Variants in LOC128031837 observed in about 807,000 individuals in gnomAD.
chr7:112,450,643 T>C, the LOC128031837 span: 1 of 1,490,468 alleles, frequency 6.7e-7, no homozygotes, highest in South Asian at 1.1e-5. Context: ...CTCCATCGGC[T>C]GATCCTCGCT....
At chr7:112,450,494 G>A in the LOC128031837 span, 1 of 622,660 alleles carries the variant, frequency 1.6e-6, no homozygotes, top group East Asian at 2.8e-5. Flanking sequence ...AACATGTATC[G>A]TTTTCGATCA....
At chr7:112,450,632 G>A in the LOC128031837 span, 2 of 1,386,004 alleles carry the variant, frequency 1.4e-6, no homozygotes, top group Non-Finnish European at 2.1e-6. Flanking sequence ...AAAAAGTGCA[G>A]CTCCATCGGC....
the LOC128031837 span, chr7:112,450,624 A>G: frequency 7.6e-7 from 1 of 1,323,394 alleles, no homozygotes; most frequent in Non-Finnish European, 1.1e-6. Flanking sequence ...GCACGAGTAA[A>G]AAGTGCAGCT....
the LOC128031837 span, chr7:112,450,594 C>G: frequency 2.0e-6 from 2 of 998,398 alleles, no homozygotes; most frequent in South Asian, 2.6e-5. Context: ...ACTCGCCTCT[C>G]AGCCGCCCGC....
the LOC128031837 span, chr7:112,450,631 A>G: frequency 1.5e-6 from 2 of 1,363,716 alleles, no homozygotes; most frequent in East Asian, 2.3e-5. Context: ...TAAAAAGTGC[A>G]GCTCCATCGG....
the LOC128031837 span, chr7:112,450,590 C>T: frequency 2.1e-6 from 2 of 947,676 alleles, no homozygotes; most frequent in Non-Finnish European, 3.4e-6. Flanking sequence ...GAAGACTCGC[C>T]TCTCAGCCGC....
At chr7:112,450,621 TA>T in the LOC128031837 span, 1 of 1,282,790 alleles carries the variant, frequency 7.8e-7, no homozygotes, top group Non-Finnish European at 1.1e-6. Context: ...GACGCACGAG[TA>T]AAAAGTGCAG....
the LOC128031837 span, chr7:112,450,557 G>C: frequency 3.4e-5 from 24 of 715,332 alleles, no homozygotes; most frequent in Non-Finnish European, 5.9e-5. Context: ...TACCCCCGCC[G>C]CTTCTCGACT....
chr7:112,450,583 G>T, the LOC128031837 span: 1 of 845,214 alleles, frequency 1.2e-6, no homozygotes, highest in South Asian at 1.4e-5. Context: ...GTTAGCCGAA[G>T]ACTCGCCTCT....
chr7:112,450,549 C>T, the LOC128031837 span: 4 of 698,972 alleles, frequency 5.7e-6, no homozygotes, highest in Non-Finnish European at 1.1e-5. Flanking sequence ...CCCACTCTTA[C>T]CCCCGCCGCT....
the LOC128031837 span, chr7:112,450,524 C>T: frequency 1.5e-6 from 1 of 656,326 alleles, no homozygotes; most frequent in Non-Finnish European, 2.8e-6. Flanking sequence ...ACGGGGATTT[C>T]TGCTGCCGCC....
chr7:112,450,640 G>T, the LOC128031837 span: 2 of 1,469,456 alleles, frequency 1.4e-6, no homozygotes, highest in South Asian at 1.1e-5. Context: ...CAGCTCCATC[G>T]GCTGATCCTC....
the LOC128031837 span, chr7:112,450,567 T>G: frequency 1.3e-6 from 1 of 755,472 alleles, no homozygotes; most frequent in Non-Finnish European, 2.4e-6. Context: ...GCTTCTCGAC[T>G]CTGTTGTTAG....
At chr7:112,450,618 G>A in the LOC128031837 span, 2 of 1,220,944 alleles carry the variant, frequency 1.6e-6, no homozygotes, top group East Asian at 2.3e-5. Flanking sequence ...ACAGACGCAC[G>A]AGTAAAAAGT....
At chr7:112,450,637 A>G in the LOC128031837 span, 6 of 1,448,580 alleles carry the variant, frequency 4.1e-6, no homozygotes, top group Admixed American at 6.7e-5. Flanking sequence ...GTGCAGCTCC[A>G]TCGGCTGATC....
the LOC128031837 span, chr7:112,450,534 C>A: frequency 1.5e-6 from 1 of 664,508 alleles, no homozygotes; most frequent in Non-Finnish European, 2.8e-6. Context: ...CTGCTGCCGC[C>A]ACCGCCCACT....
the LOC128031837 span, chr7:112,450,586 T>G: frequency 2.3e-6 from 2 of 876,602 alleles, no homozygotes; most frequent in Non-Finnish European, 3.8e-6. Flanking sequence ...AGCCGAAGAC[T>G]CGCCTCTCAG....
the LOC128031837 span, chr7:112,450,516 G>C: frequency 1.1e-5 from 7 of 649,302 alleles, no homozygotes; most frequent in East Asian, 5.5e-5. Context: ...AGCTCTTCAC[G>C]GGGATTTCTG....
the LOC128031837 span, chr7:112,450,599 G>T: frequency 3.8e-6 from 4 of 1,040,928 alleles, no homozygotes; most frequent in Admixed American, 1.8e-5. Context: ...CCTCTCAGCC[G>T]CCCGCCGCAC....
Sources: gnomAD v4.1 joint callset for allele counts on GRCh38, gnomAD v4.1.1 for gene constraint, MANE v1.5 for transcripts.